Variants in DGKH observed in about 807,000 individuals in gnomAD.
The protein encoded by DGKH is DAG kinase eta.
DGKH carries 90 observed loss-of-function variants against 159.3 expected under a neutral mutation model. That is an observed-to-expected ratio of 0.57 (90% CI 0.48 to 0.67). DGKH has a LOEUF of 0.67. DGKH is among the 30% of genes least tolerant of loss of function. The pLI, the probability that DGKH is intolerant of heterozygous loss-of-function variation, is 0.00. For synonymous variants in DGKH, 536 were observed against 553.8 expected, an observed-to-expected ratio of 0.97 and a Z score of 0.45; for missense variants, 1,181 against 1,506.1, an observed-to-expected ratio of 0.78 and a Z score of 3.57.
At chr13:42,178,068 A>C (rs1956650171) in intron 12 of DGKH, 67 bp from the exon 13 acceptor site, 1 of 1,195,408 alleles carries the variant, frequency 8.4e-7, no homozygotes, top group Non-Finnish European at 1.2e-6. Flanking sequence ...CCATTTCTGG[A>C]GCAGCAATAA....
At chr13:42,181,798 C>T in intron 13 of DGKH, 1 of 398,720 alleles carries the variant, frequency 2.5e-6, no homozygotes, top group South Asian at 2.0e-5. Context: ...GGAGACTCAA[C>T]TGCAGTGGGT....
At position 42,182,552 on chromosome 13, in the gene DGKH, T is replaced by A. The variant is rs965060262; in HGVS notation, c.1538+4332T>A. On this transcript the variant is annotated intron_variant, in intron 13 of 29. Coordinates refer to ENST00000337343, the MANE Select transcript of DGKH (RefSeq NM_178009.5). ...TTAATCATCTCTAGATTATTTATAA[T>A]AACAAATGTATTTGCTATGTAAATA... Among the ~76,000 whole-genome samples, 3 of 152,332 alleles carry A rather than the reference T, an allele frequency of 2.0e-5. No individual in the cohort carries two copies. In the East Asian group the frequency reaches 5.8e-4, roughly 29 times the overall value.
At chr13:42,150,163 G>T (rs1053749754) in intron 3 of DGKH, among the ~76,000 whole-genome samples, 1 of 152,082 alleles carries the variant, frequency 6.6e-6, no homozygotes, top group Admixed American at 6.6e-5. Flanking sequence ...AATTATGATA[G>T]GAAAAATAAT....
intron 1 of DGKH, among the ~76,000 whole-genome samples, chr13:42,061,330 T>C: frequency 6.6e-6 from 1 of 152,216 alleles, no homozygotes. Flanking sequence ...TGAAAATGTC[T>C]AGTCCTTAGT....
At chr13:42,199,974 C>G in intron 20 of DGKH, 65 bp downstream of exon 20, 3 of 1,338,358 alleles carry the variant, frequency 2.2e-6, no homozygotes, top group Non-Finnish European at 3.0e-6. Context: ...CGTTTTGGAG[C>G]TAATTTGACC....
Position 42,195,024 on chromosome 13 carries a change from A to C in DGKH, c.2167+8A>C. On this transcript the variant is annotated splice_region_variant and intron_variant, in intron 17 of 29. Coordinates refer to ENST00000337343, the MANE Select transcript of DGKH (RefSeq NM_178009.5). ...CCAGAATAATCTGCCCAGGTAGTACAGATTCTGAAACATCGTGTATTTTTC... is the reference window on the plus strand; with the variant it reads ...CCAGAATAATCTGCCCAGGTAGTACCGATTCTGAAACATCGTGTATTTTTC... 6.2e-7 allele frequency: 1 copy of C among 1,608,564 alleles called. No homozygotes were observed.
At chr13:42,254,160 G>T (rs1327320560) in intron 30 of DGKH, among the ~76,000 whole-genome samples, 1 of 152,088 alleles carries the variant, frequency 6.6e-6, no homozygotes, top group African/African-American at 2.4e-5. Context: ...TCCACTCTTA[G>T]AATCTATCCC....
intron 5 of DGKH, among the ~76,000 whole-genome samples, chr13:42,156,561 A>G (rs1207884058): frequency 6.6e-6 from 1 of 152,212 alleles, no homozygotes; most frequent in African/African-American, 2.4e-5. Context: ...CACCAAAAGC[A>G]AATACATTAA....
rs759677142 is a variant in DGKH, at chr13:42,155,297, A to C, written c.391A>C (p.Thr131Pro). Residue 131 changes from threonine (T) to proline (P), a missense_variant, in exon 4 of 30, where the codon ACT becomes CCT. Physicochemically the swap from Thr to Pro is conservative, Grantham distance 38. Coordinates refer to ENST00000337343, the MANE Select transcript of DGKH (RefSeq NM_178009.5). ...ATTGAATTATCCCTTTCAGATCATC[A>C]CTCCATTCAGAAGGCTAATGCTGTG... ...KNANNSFTII[T>P]PFRRLMLCAE... The C allele has an allele frequency of 1.3e-6, 2 of 1,592,370 alleles. No homozygotes were observed. Among genetic ancestry groups the C allele is most frequent in the Non-Finnish European group, 1.7e-6 (2 of 1,174,452 alleles).
intron 1 of DGKH, chr13:42,069,878 G>A (rs770613183): frequency 3.9e-5 from 29 of 745,772 alleles, no homozygotes; most frequent in South Asian, 8.8e-5. Context: ...TACCTTTCCC[G>A]ATCTCCATCC....
chr13:42,077,756 A>G (rs909317915), intron 1 of DGKH, among the ~76,000 whole-genome samples: 2 of 152,336 alleles, frequency 1.3e-5, no homozygotes, highest in East Asian at 1.9e-4. Context: ...ACAGCTGACC[A>G]TCCAGATTTA....
At chr13:42,119,400 C>T (rs986402272) in intron 1 of DGKH, among the ~76,000 whole-genome samples, 2 of 152,180 alleles carry the variant, frequency 1.3e-5, no homozygotes, top group Admixed American at 6.5e-5. Context: ...TCCTCTTAGC[C>T]GAGGTGGCTT....
chr13:42,130,605 C>T (rs373527127), intron 3 of DGKH, among the ~76,000 whole-genome samples: 10 of 152,142 alleles, frequency 6.6e-5, no homozygotes, highest in African/African-American at 1.9e-4. Context: ...TGGAAAGCTA[C>T]CACTCCTGAC....
At chr13:42,101,294 G>A (rs369869243) in intron 1 of DGKH, among the ~76,000 whole-genome samples, 3 of 152,164 alleles carry the variant, frequency 2.0e-5, no homozygotes, top group Admixed American at 6.5e-5. Context: ...AAAATTTATT[G>A]GAAGAACAAT....
rs147618582 is a variant in DGKH at position 42,083,933 on chromosome 13, A to C, written c.192+34968A>C. ...TTCAAGAAGCATGAACGACACGGGG[A>C]TGGGCAGCATTCCTGCCCGTCTCTA... On this transcript the variant is annotated intron_variant, in intron 1 of 29. Coordinates refer to ENST00000337343, the MANE Select transcript of DGKH (RefSeq NM_178009.5). 5.3e-5 allele frequency among the ~76,000 whole-genome samples: 8 copies of C among 152,330 alleles called. No individual in the cohort carries two copies. In the East Asian group the frequency reaches 1.3e-3, roughly 26 times the overall value.
chr13:42,254,392 C>G (rs1165781822), intron 30 of DGKH, among the ~76,000 whole-genome samples: 1 of 152,126 alleles, frequency 6.6e-6, no homozygotes, highest in African/African-American at 2.4e-5. Context: ...CTTTGGGAGG[C>G]TGAGGCAGAT....
rs1276803768 is a variant in DGKH at position 42,236,192 on chromosome 13, T to G, written c.*7004T>G. ...AGTTGTATAAATCAGTGCATTTATT[T>G]ATTATGTTGTGAAACTTAAGCTTTA... On this transcript the variant is annotated 3_prime_UTR_variant, in exon 30 of 30. Transcript: ENST00000337343. The G allele has an allele frequency of 6.6e-6, 1 of 152,204 alleles. No homozygotes were observed. Among genetic ancestry groups the G allele is most frequent in the Admixed American group, 6.5e-5 (1 of 15,276 alleles). 9.4% of individuals were successfully genotyped at this position (152,204 alleles called of 1,614,324 possible).
chr13:42,053,528 CTATA>C (rs1283729752), intron 1 of DGKH, among the ~76,000 whole-genome samples: 5 of 63,038 alleles, frequency 7.9e-5, no homozygotes, highest in Admixed American at 2.3e-4. Context: ...CTATATATAA[CTATA>C]TATGTATATA....
At position 42,151,478 on chromosome 13, in the gene DGKH, G is replaced by GGGGT. The variant is rs200409838; in HGVS notation, c.385-3812_385-3811insGGTG. Among the ~76,000 whole-genome samples, 708 of 126,370 alleles carry GGGGT rather than the reference G, an allele frequency of 5.6e-3. 7 individuals are homozygous for GGGGT. Among genetic ancestry groups the GGGGT allele is most frequent in the African/African-American group, 0.016 (554 of 33,688 alleles). The allele number at this position is 126,370 out of a possible 152,430, so 82.9% of individuals were successfully genotyped here. On this transcript the variant is annotated intron_variant, in intron 3 of 29. Transcript: ENST00000337343. Reference sequence around the variant, plus strand: ...TTTTTGTGACTGAGTAGTATTCCATGGTGTGTGTGTGTGTGTGTGTGTGTG... The same window carrying GGGGT: ...TTTTTGTGACTGAGTAGTATTCCATGGGGTGTGTGTGTGTGTGTGTGTGTGTGTG...
Sources: allele counts gnomAD v4.1 joint callset (sites outside exome capture counted in the v4.1 genomes callset), GRCh38; gene constraint gnomAD v4.1.1; transcripts MANE v1.5; gene names NCBI Gene and HGNC (gene_info 2026-07-23, HGNC 2026-07-21).